FAM83B: variants seen among roughly 807,000 people sequenced by gnomAD.
The protein encoded by FAM83B is scaffolding CK1 anchoring protein B.
Under a neutral mutation model 38.8 loss-of-function variants are expected in FAM83B, and 26 were observed. The ratio of observed to expected loss-of-function variants is 0.67; its 90% CI spans 0.49 to 0.93. FAM83B has a LOEUF of 0.93. Ranked by LOEUF, FAM83B falls within the 40% of genes least tolerant of loss-of-function variation. The pLI is 0.00. For synonymous variants in FAM83B, 419 were observed against 423.1 expected (o/e 0.99, Z 0.12); for missense variants, 1,237 against 1,197.3 (o/e 1.03, Z -0.49).
chr6:54,932,702 T>C (rs1025181509), intron 4 of FAM83B, among the ~76,000 whole-genome samples: 3 of 152,058 alleles, frequency 2.0e-5, no homozygotes, highest in Admixed American at 1.3e-4. Context: ...AGTCTTAATT[T>C]CTCCTTCCTT....
intron 2 of FAM83B, among the ~76,000 whole-genome samples, chr6:54,899,340 T>G (rs1772606145): frequency 6.6e-6 from 1 of 152,150 alleles, no homozygotes; most frequent in African/African-American, 2.4e-5. Flanking sequence ...TAATTTTGCA[T>G]TGAGATTTTA....
Position 54,943,604 on chromosome 6 carries a change from AT to A in FAM83B, c.*1598del. 1 of 152,286 alleles carries A rather than the reference AT, an allele frequency of 6.6e-6. No individual in the cohort carries two copies. Among genetic ancestry groups the A allele is most frequent in the Middle Eastern group, 3.4e-3 (1 of 294 alleles). 9.4% of individuals were successfully genotyped at this position (152,286 alleles called of 1,614,324 possible). On this transcript the variant is annotated 3_prime_UTR_variant, in exon 5 of 5. Coordinates refer to ENST00000306858, the MANE Select transcript of FAM83B (RefSeq NM_001010872.3). ...ATCTATATCATTAAAATAATTTTCC[AT>A]AGTGTTTAGAAACCATGAAAAAGAA...
chr6:54,847,266 C>CA (rs1300039165), intron 1 of FAM83B, among the ~76,000 whole-genome samples: 1 of 148,166 alleles, frequency 6.7e-6, no homozygotes, highest in Non-Finnish European at 1.5e-5. Context: ...AAGCAGAGGG[C>CA]ATGGGGGTGG....
chr6:54,856,268 T>C (rs963177121), intron 1 of FAM83B, among the ~76,000 whole-genome samples: 3 of 152,188 alleles, frequency 2.0e-5, no homozygotes, highest in Admixed American at 6.6e-5. Context: ...TGCAATACCA[T>C]GTGGCCAAGT....
intron 2 of FAM83B, among the ~76,000 whole-genome samples, chr6:54,913,565 T>C (rs563647262): frequency 6.6e-6 from 1 of 151,752 alleles, no homozygotes; most frequent in Non-Finnish European, 1.5e-5. Context: ...AAGGAAATAC[T>C]GACAGGTGAC....
chr6:54,866,771 A>C (rs1404885559), intron 1 of FAM83B, among the ~76,000 whole-genome samples: 1 of 152,166 alleles, frequency 6.6e-6, no homozygotes, highest in Non-Finnish European at 1.5e-5. Flanking sequence ...CTTTTCTTGG[A>C]TAAATCACCA....
chr6:54,875,809 A>G (rs1263063045), intron 2 of FAM83B, among the ~76,000 whole-genome samples: 1 of 152,098 alleles, frequency 6.6e-6, no homozygotes, highest in Admixed American at 6.6e-5. Flanking sequence ...AAAGAAAAAG[A>G]TCTGGTTAAA....
Position 54,941,267 on chromosome 6 carries a change from A to G in FAM83B, c.2296A>G (p.Ser766Gly). The G allele has an allele frequency of 1.2e-6, 2 of 1,611,474 alleles. No homozygotes were observed. Among genetic ancestry groups the G allele is most frequent in the Middle Eastern group, 1.7e-4 (1 of 6,034 alleles). The change falls in exon 5 of 5, where the codon AGT becomes GGT. Residue 766 changes from serine (S) to glycine (G), a missense_variant. By Grantham distance (56) the Ser-to-Gly change is moderately conservative. Coordinates refer to ENST00000306858, the MANE Select transcript of FAM83B (RefSeq NM_001010872.3). Reference protein sequence around the residue: ...ASKKEVKGSPSFLKKGSQKLR... With the variant: ...ASKKEVKGSPGFLKKGSQKLR... ...AAAGAAGGAAGTTAAGGGTTCCCCA[A>G]GTTTTTTGAAAAAGGGGTCTCAGAA... is the stretch of plus-strand genomic sequence containing the variant.
intron 2 of FAM83B, among the ~76,000 whole-genome samples, chr6:54,915,453 G>A (rs894704896): frequency 6.6e-6 from 1 of 152,008 alleles, no homozygotes; most frequent in Non-Finnish European, 1.5e-5. Context: ...CGCCATCCAC[G>A]TTGGCATCTC....
chr6:54,849,321 C>G (rs546042589), intron 1 of FAM83B, among the ~76,000 whole-genome samples: 2 of 152,238 alleles, frequency 1.3e-5, no homozygotes, highest in East Asian at 3.9e-4. Flanking sequence ...ATCCTGGCCC[C>G]TAAGGGTAGA....
At chr6:54,938,232 G>A (rs186180706) in intron 4 of FAM83B, among the ~76,000 whole-genome samples, 156 of 152,152 alleles carry the variant, frequency 1.0e-3, no homozygotes, top group Non-Finnish European at 5.1e-4. Flanking sequence ...AGTATTCCAT[G>A]GTATATACAT....
At position 54,940,015 on chromosome 6, in the gene FAM83B, T is replaced by C. The variant is rs776508901; in HGVS notation, c.1044T>C (p.His348=). ...GAGGGATATATACTTTAAATGAACA[T>C]GACAAATATAACATAAGAAGTCACG... ...KNRGIYTLNE[H]DKYNIRSHGY... is the part of the protein sequence containing the mutation. Residue 348 remains histidine, a synonymous_variant, in exon 5 of 5, where the codon CAT becomes CAC. Coordinates refer to ENST00000306858, the MANE Select transcript of FAM83B (RefSeq NM_001010872.3). 2 of 1,614,008 alleles carry C rather than the reference T, an allele frequency of 1.2e-6. No individual in the cohort carries two copies. The highest frequency in any genetic ancestry group is 1.1e-5 in the South Asian group (1 of 91,086).
intron 1 of FAM83B, among the ~76,000 whole-genome samples, chr6:54,860,388 ATTTGGC>A (rs942894380): frequency 1.2e-4 from 18 of 152,196 alleles, no homozygotes; most frequent in Admixed American, 7.2e-4. Context: ...TGCCCTATGC[ATTTGGC>A]TCTTCCTGAG....
Position 54,874,365 on chromosome 6 carries a change from G to A in FAM83B, c.444+3675G>A, listed in dbSNP as rs182995369. Among the ~76,000 whole-genome samples the A allele has an allele frequency of 2.9e-3, 435 of 152,178 alleles. 2 individuals carry two copies. The highest frequency in any genetic ancestry group is 5.2e-3 in the Non-Finnish European group (352 of 67,968). Reference sequence around the variant, plus strand: ...GATAATATCTTACTTGTGCCCTAAAGGGACATATTTTAATTTACTGATTCT... The same window carrying A: ...GATAATATCTTACTTGTGCCCTAAAAGGACATATTTTAATTTACTGATTCT... On this transcript the variant is annotated intron_variant, in intron 2 of 4. Transcript: ENST00000306858.
intron 4 of FAM83B, among the ~76,000 whole-genome samples, chr6:54,933,169 C>T (rs1773460322): frequency 6.6e-6 from 1 of 151,088 alleles, no homozygotes; most frequent in Non-Finnish European, 1.5e-5. Flanking sequence ...GCTCTTCTGA[C>T]TCAATTATAT....
At chr6:54,911,079 C>A (rs61632434) in intron 2 of FAM83B, among the ~76,000 whole-genome samples, 3,323 of 151,636 alleles carry the variant, frequency 0.022, 128 homozygotes, top group African/African-American at 0.075. Context: ...TGTTTTCTAT[C>A]ATTTTTCTCC....
intron 2 of FAM83B, among the ~76,000 whole-genome samples, chr6:54,903,484 A>G (rs1292798626): frequency 2.0e-5 from 3 of 152,170 alleles, no homozygotes; most frequent in Non-Finnish European, 4.4e-5. Flanking sequence ...CAATAGCTTC[A>G]ATTTTTAACA....
At chr6:54,919,723 TTTAATATATA>T (rs1773128986) in intron 2 of FAM83B, among the ~76,000 whole-genome samples, 2 of 152,030 alleles carry the variant, frequency 1.3e-5, no homozygotes, top group Admixed American at 6.6e-5. Context: ...GTTCTCATGT[TTTAATATATA>T]TAAATGAAAC....
chr6:54,922,677 G>A (rs767053448), intron 2 of FAM83B, among the ~76,000 whole-genome samples: 3 of 152,130 alleles, frequency 2.0e-5, no homozygotes, highest in Non-Finnish European at 2.9e-5. Flanking sequence ...ATTGGAGTAT[G>A]TTTCACAGGT....
Sources: allele counts gnomAD v4.1 joint callset (sites outside exome capture counted in the v4.1 genomes callset), GRCh38; gene constraint gnomAD v4.1.1; transcripts MANE v1.5; gene names NCBI Gene and HGNC (gene_info 2026-07-23, HGNC 2026-07-21).